CALCOCO2: variants seen among roughly 807,000 people sequenced by gnomAD.
CALCOCO2 encodes calcium binding and coiled-coil domain 2.
Under a neutral mutation model 62.5 loss-of-function variants are expected in CALCOCO2, and 42 were observed. The observed-to-expected ratio is 0.67, with a 90% CI of 0.53 to 0.87. The LOEUF (loss-of-function observed/expected upper bound fraction) is 0.87. CALCOCO2 is among the 40% of genes least tolerant of loss of function. The pLI is 0.00. For missense variants in CALCOCO2, 456 were observed against 515.0 expected (o/e 0.89, Z 1.11); for synonymous variants, 167 against 173.0 (o/e 0.97, Z 0.27).
In CALCOCO2 at chr17:48,841,744, G is replaced by C; in HGVS notation, c.37G>C (p.Val13Leu). ...ETIKDPPTSA[V>L]LLDHCHFSQV... is the part of the protein sequence containing the mutation. ...CATCAAAGATCCCCCCACATCAGCT[G>C]TCTTGCTGGATCACTGTCATTTCTC... Residue 13 changes from valine (V) to leucine (L), a missense_variant, in exon 2 of 13, where the codon GTC becomes CTC. By Grantham distance (32) the Val-to-Leu change is conservative. Around this residue, in one of 3 missense-constraint regions of CALCOCO2, gnomAD observed 48 missense variants for 79.3 expected, o/e 0.61. Coordinates refer to ENST00000258947, the MANE Select transcript of CALCOCO2 (RefSeq NM_005831.5). 1.9e-6 allele frequency: 3 copies of C among 1,613,582 alleles called. No individual in the cohort carries two copies. The highest frequency in any genetic ancestry group is 2.5e-6 in the Non-Finnish European group (3 of 1,179,690).
chr17:48,862,762 C>A, intron 12 of CALCOCO2, 76 bp from the exon 13 acceptor site: 1 of 1,165,040 alleles, frequency 8.6e-7, no homozygotes. Context: ...ACTGAGGATA[C>A]AGTGGAAGAC....
chr17:48,841,987 TG>T, intron 2 of CALCOCO2, 100 bp downstream of exon 2: 1 of 830,192 alleles, frequency 1.2e-6, no homozygotes, highest in Non-Finnish European at 1.9e-6. Flanking sequence ...TTGTATAATA[TG>T]TGTTGGCAGT....
chr17:48,845,557 CTG>C (rs143997623), intron 2 of CALCOCO2, among the ~76,000 whole-genome samples: 17,053 of 151,190 alleles, frequency 0.11, 1,741 homozygotes, highest in African/African-American at 0.28. Flanking sequence ...TGGAGAAACC[CTG>C]TCTCTACTAA....
intron 1 of CALCOCO2, among the ~76,000 whole-genome samples, chr17:48,836,091 A>G (rs1379705255): frequency 4.6e-5 from 7 of 152,150 alleles, no homozygotes. Context: ...AAACTATACC[A>G]AGCTACCCCA....
chr17:48,858,267 T>C (rs528788536), intron 10 of CALCOCO2, among the ~76,000 whole-genome samples: 1 of 152,014 alleles, frequency 6.6e-6, no homozygotes, highest in Non-Finnish European at 1.5e-5. Context: ...GCAGAAGGCT[T>C]TTTGGGTTCT....
intron 11 of CALCOCO2, among the ~76,000 whole-genome samples, chr17:48,861,369 C>T (rs1029486352): frequency 6.6e-6 from 1 of 152,014 alleles, no homozygotes; most frequent in Non-Finnish European, 1.5e-5. Flanking sequence ...GCGCCAGCCA[C>T]CACACCCAGC....
intron 1 of CALCOCO2, among the ~76,000 whole-genome samples, chr17:48,832,392 T>C (rs565896462): frequency 6.6e-6 from 1 of 152,310 alleles, no homozygotes; most frequent in East Asian, 1.9e-4. Flanking sequence ...AGACTCCGTC[T>C]CAAAAAACAA....
At chr17:48,857,990 A>AATAGGATAGGATAGG (rs1567759044) in intron 10 of CALCOCO2, among the ~76,000 whole-genome samples, 1 of 18,858 alleles carries the variant, frequency 5.3e-5, no homozygotes, top group Admixed American at 6.2e-4. Flanking sequence ...AATAGAATAG[A>AATAGGATAGGATAGG]ATAGAATAGA....
intron 10 of CALCOCO2, among the ~76,000 whole-genome samples, chr17:48,859,271 A>G (rs989796388): frequency 1.3e-5 from 2 of 152,058 alleles, no homozygotes; most frequent in African/African-American, 4.8e-5. Flanking sequence ...AGGAAAAATT[A>G]TTTTAGGTGA....
At chr17:48,860,054 A>G (rs572954519) in intron 10 of CALCOCO2, among the ~76,000 whole-genome samples, 4 of 152,310 alleles carry the variant, frequency 2.6e-5, no homozygotes, top group Admixed American at 2.0e-4. Flanking sequence ...AGATGGTGCC[A>G]CTGCACTCTG....
intron 5 of CALCOCO2, 39 bp from the exon 6 acceptor site, chr17:48,851,050 A>T: frequency 8.8e-7 from 1 of 1,136,100 alleles, no homozygotes; most frequent in Non-Finnish European, 1.3e-6. Context: ...CAAAAGTCAT[A>T]GAACTAGTCT....
intron 10 of CALCOCO2, among the ~76,000 whole-genome samples, chr17:48,859,134 G>A (rs481636): frequency 1.4e-5 from 2 of 142,958 alleles, no homozygotes; most frequent in Non-Finnish European, 1.5e-5. Context: ...TTTTTCCTAA[G>A]AACTTGAAAT....
intron 7 of CALCOCO2, 50 bp downstream of exon 7, chr17:48,851,678 T>C (rs1245076627): frequency 1.9e-6 from 2 of 1,048,204 alleles, no homozygotes; most frequent in Non-Finnish European, 3.0e-6. Flanking sequence ...GCCTTACCAC[T>C]GCTCCAATTT....
In CALCOCO2 at chr17:48,864,837, G is replaced by C. The variant is rs2040371786; in HGVS notation, c.*1832G>C. 1 of 152,198 alleles carries C rather than the reference G, an allele frequency of 6.6e-6. No individual in the cohort carries two copies. Among genetic ancestry groups the C allele is most frequent in the African/African-American group, 2.4e-5 (1 of 41,450 alleles). 9.4% of individuals were successfully genotyped at this position (152,198 alleles called of 1,614,324 possible). Reference sequence around the variant, plus strand: ...CTAACCCTAGAATAGAAATGTAATAGGGAGATGGTAATAAAGGAGTTTTTC... The same window carrying C: ...CTAACCCTAGAATAGAAATGTAATACGGAGATGGTAATAAAGGAGTTTTTC... On this transcript the variant is annotated 3_prime_UTR_variant, in exon 13 of 13. Coordinates refer to ENST00000258947, the MANE Select transcript of CALCOCO2 (RefSeq NM_005831.5).
At chr17:48,851,031 A>G in intron 5 of CALCOCO2, 58 bp from the exon 6 acceptor site, 1 of 908,704 alleles carries the variant, frequency 1.1e-6, no homozygotes, top group Non-Finnish European at 1.8e-6. Flanking sequence ...CCTGCCTAAG[A>G]TACTCATTCA....
chr17:48,835,048 C>T (rs956757070), intron 1 of CALCOCO2, among the ~76,000 whole-genome samples: 1 of 151,526 alleles, frequency 6.6e-6, no homozygotes, highest in African/African-American at 2.4e-5. Context: ...CCTGCCCCCC[C>T]GCAAAAAAAA....
chr17:48,863,236 T>C lies in CALCOCO2; in HGVS notation c.*231T>C. 1 of 469,076 alleles carries C rather than the reference T, an allele frequency of 2.1e-6. No individual in the cohort carries two copies. The highest frequency in any genetic ancestry group is 3.9e-6 in the Non-Finnish European group (1 of 254,114). 29.1% of individuals were successfully genotyped at this position (469,076 alleles called of 1,614,324 possible). On this transcript the variant is annotated 3_prime_UTR_variant, in exon 13 of 13. Coordinates refer to ENST00000258947, the MANE Select transcript of CALCOCO2 (RefSeq NM_005831.5). The stretch of plus-strand genomic sequence containing the variant: ...AAGTCGCATAACTCTAGCTGTATCA[T>C]CCTCTCACCTGTCATTCTTCTGAGG...
At chr17:48,856,321 G>A (rs147303013) in intron 10 of CALCOCO2, 134 bp downstream of exon 10, 6 of 571,382 alleles carry the variant, frequency 1.1e-5, no homozygotes, top group East Asian at 8.6e-5. Flanking sequence ...GTTCCTAAAC[G>A]AAGAGTAAAT....
chr17:48,848,245 G>A (rs2040079728), intron 3 of CALCOCO2, 77 bp from the exon 4 acceptor site: 18 of 1,535,920 alleles, frequency 1.2e-5, no homozygotes, highest in African/African-American at 4.1e-5. Flanking sequence ...GCTTTCTGGG[G>A]CAGATAAAAA....
Sources: gnomAD v4.1 joint callset for allele counts (sites outside exome capture counted in the v4.1 genomes callset) on GRCh38, gnomAD v4.1.1 for gene constraint, gnomAD v4.1.1 regional missense constraint, MANE v1.5 for transcripts, NCBI Gene and HGNC (gene_info 2026-07-23, HGNC 2026-07-21) for gene names.